The following ST6GAL1 variants were observed in gnomAD, a reference collection of about 807,000 sequenced individuals.
The protein encoded by ST6GAL1 is beta-galactoside alpha-2,6-sialyltransferase 1.
In ST6GAL1, 20 loss-of-function variants were observed where a neutral mutation model predicts 38.0. The observed-to-expected ratio is 0.53, with a 90% CI of 0.37 to 0.77. The LOEUF is 0.77. ST6GAL1 is among the 30% of genes least tolerant of loss of function. The pLI, the probability that ST6GAL1 is intolerant of heterozygous loss-of-function variation, is 0.00. For synonymous variants in ST6GAL1, 196 were observed against 188.2 expected (o/e 1.04, Z -0.34); for missense variants, 432 against 496.4 (o/e 0.87, Z 1.23).
Position 187,042,741 on chromosome 3 carries a change from G to A in ST6GAL1, c.38G>A (p.Cys13Tyr). The A allele has an allele frequency of 6.2e-7, 1 of 1,613,542 alleles. No homozygotes were observed. Among genetic ancestry groups the A allele is most frequent in the Non-Finnish European group, 8.5e-7 (1 of 1,179,786 alleles). Residue 13 changes from cysteine to tyrosine, a missense_variant, in exon 4 of 8, where the codon TGC (cysteine) becomes TAC (tyrosine). Coordinates refer to ENST00000169298, the MANE Select transcript of ST6GAL1 (RefSeq NM_173216.2). ...AACCTGAAGAAAAAGTTCAGCTGCT[G>A]CGTCCTGGTCTTTCTTCTGTTTGCA... ...HTNLKKKFSCCVLVFLLFAVI... is the reference protein window; with the variant it reads ...HTNLKKKFSCYVLVFLLFAVI...
chr3:187,068,054 G>A (rs1719229817), intron 5 of ST6GAL1, among the ~76,000 whole-genome samples: 1 of 152,158 alleles, frequency 6.6e-6, no homozygotes, highest in Non-Finnish European at 1.5e-5. Flanking sequence ...TAGAAGTGTG[G>A]TCTCTGGGCC....
intron 5 of ST6GAL1, among the ~76,000 whole-genome samples, chr3:187,066,906 G>C (rs998640577): frequency 6.6e-6 from 1 of 151,876 alleles, no homozygotes; most frequent in African/African-American, 2.4e-5. Flanking sequence ...AGGAACAGCT[G>C]GTCCCCTCAG....
At chr3:187,062,233 G>A (rs1718941017) in intron 5 of ST6GAL1, among the ~76,000 whole-genome samples, 1 of 152,166 alleles carries the variant, frequency 6.6e-6, no homozygotes, top group African/African-American at 2.4e-5. Flanking sequence ...CACTGTTGAT[G>A]GGAATGGAAA....
chr3:186,986,099 G>A (rs2108541430), intron 2 of ST6GAL1, among the ~76,000 whole-genome samples: 1 of 152,328 alleles, frequency 6.6e-6, no homozygotes, highest in Admixed American at 6.5e-5. Context: ...AGAAAGTGGG[G>A]AAGTGTAAGC....
At chr3:187,011,989 C>T (rs1044570822) in intron 2 of ST6GAL1, among the ~76,000 whole-genome samples, 3 of 152,210 alleles carry the variant, frequency 2.0e-5, no homozygotes, top group African/African-American at 7.2e-5. Flanking sequence ...ACCTGGAACG[C>T]TCTCTTTCCA....
intron 2 of ST6GAL1, among the ~76,000 whole-genome samples, chr3:187,012,614 T>G (rs1342353159): frequency 1.3e-5 from 2 of 152,198 alleles, no homozygotes; most frequent in Non-Finnish European, 2.9e-5. Context: ...GGCTAACAGA[T>G]GAGGCCAGAA....
intron 2 of ST6GAL1, among the ~76,000 whole-genome samples, chr3:186,968,795 G>C (rs34443305): frequency 6.6e-6 from 1 of 152,142 alleles, no homozygotes; most frequent in African/African-American, 2.4e-5. Flanking sequence ...AAAGCCATTA[G>C]AATCATTTGT....
chr3:187,055,712 T>A (rs1718676432), intron 5 of ST6GAL1, among the ~76,000 whole-genome samples: 1 of 152,124 alleles, frequency 6.6e-6, no homozygotes, highest in African/African-American at 2.4e-5. Context: ...TGCTGAGGAG[T>A]GCTTTACTTC....
chr3:186,976,427 T>G (rs1715522885), intron 2 of ST6GAL1, among the ~76,000 whole-genome samples: 1 of 152,144 alleles, frequency 6.6e-6, no homozygotes, highest in Non-Finnish European at 1.5e-5. Context: ...TCATTTTATT[T>G]CATTCTTTTT....
At chr3:187,055,597 T>G (rs562416654) in intron 5 of ST6GAL1, among the ~76,000 whole-genome samples, 2 of 152,334 alleles carry the variant, frequency 1.3e-5, no homozygotes, top group South Asian at 4.1e-4. Context: ...TTGTTCAGTT[T>G]CCATGTAGTT....
chr3:187,016,858 G>GA (rs1367305983), intron 2 of ST6GAL1, among the ~76,000 whole-genome samples: 2 of 152,290 alleles, frequency 1.3e-5, no homozygotes, highest in Non-Finnish European at 2.9e-5. Context: ...TCTTCATTTG[G>GA]TGACCAAAGA....
At position 186,946,289 on chromosome 3, in the gene ST6GAL1, CAGAGTGAGAT is replaced by C. The variant is rs1160002847; in HGVS notation, c.-325+15456_-325+15465del. 1.7e-4 allele frequency among the ~76,000 whole-genome samples: 25 copies of C among 151,278 alleles called. No individual in the cohort carries two copies. In the East Asian group the frequency reaches 4.7e-3, roughly 28 times the overall value. ...GGTCGTGCCACTCTAGCCTGGGCGA[CAGAGTGAGAT>C]TCCATTTCAAAAAAAAAAAGTGTTC... On this transcript the variant is annotated intron_variant, in intron 1 of 7. Transcript: ENST00000169298.
At chr3:186,932,906 A>G (rs934897135) in intron 1 of ST6GAL1, among the ~76,000 whole-genome samples, 1 of 152,202 alleles carries the variant, frequency 6.6e-6, no homozygotes, top group African/African-American at 2.4e-5. Flanking sequence ...TCCTAGTTAC[A>G]CTTGTTTCTT....
In ST6GAL1 at chr3:187,042,644, CT is replaced by C; in HGVS notation, c.-50-3del. ...ACATCATTTGTTTTTCCTTGTCTCA[CT>C]TTTTTTAGGCTTGTTTTCCTGCTCA... On this transcript the variant is annotated splice_polypyrimidine_tract_variant and intron_variant, in intron 3 of 7. Transcript: ENST00000169298. 3 of 1,533,312 alleles carry C rather than the reference CT, an allele frequency of 2.0e-6. No individual in the cohort carries two copies. Among genetic ancestry groups the C allele is most frequent in the East Asian group, 2.3e-5 (1 of 44,366 alleles). The allele number at this position is 1,533,312 out of a possible 1,614,324, so 95.0% of individuals were successfully genotyped here. A position where few individuals can be genotyped will look rare whatever the true frequency, so the allele number is the denominator to read the frequency against.
chr3:187,020,895 C>G (rs1481432769), intron 2 of ST6GAL1, among the ~76,000 whole-genome samples: 1 of 151,698 alleles, frequency 6.6e-6, no homozygotes, highest in Non-Finnish European at 1.5e-5. Flanking sequence ...ACTGGTAGTT[C>G]TGTCCAAAAA....
chr3:186,962,116 G>T (rs184793824), intron 1 of ST6GAL1, among the ~76,000 whole-genome samples: 1 of 152,290 alleles, frequency 6.6e-6, no homozygotes, highest in East Asian at 1.9e-4. Flanking sequence ...TGCCTTTGTT[G>T]TTCGCCCTGT....
intron 2 of ST6GAL1, among the ~76,000 whole-genome samples, chr3:187,012,642 T>C (rs1716994376): frequency 6.6e-6 from 1 of 152,190 alleles, no homozygotes; most frequent in African/African-American, 2.4e-5. Flanking sequence ...CCACACTCTC[T>C]CAGTCCTGAG....
rs1332489980 is a variant in ST6GAL1 at position 187,076,893 on chromosome 3, C to T, written c.*1090C>T. ...TCCTCCAGGCTCTGCCTGGCCTGAC[C>T]CTGTCCTGTCAGCTGGGTTTACATA... On this transcript the variant is annotated 3_prime_UTR_variant, in exon 8 of 8. Coordinates refer to ENST00000169298, the MANE Select transcript of ST6GAL1 (RefSeq NM_173216.2). The T allele has an allele frequency of 2.5e-6, 1 of 398,904 alleles. No homozygotes were observed. The highest frequency in any genetic ancestry group is 1.3e-4 in the South Asian group (1 of 7,864). The allele number at this position is 398,904 out of a possible 1,614,324, so 24.7% of individuals were successfully genotyped here.
chr3:187,020,296 A>AAAACAAAC (rs111267127), intron 2 of ST6GAL1, among the ~76,000 whole-genome samples: 39,204 of 151,676 alleles, frequency 0.26, 5,085 homozygotes, highest in South Asian at 0.3. Flanking sequence ...CTCTGTCTCA[A>AAAACAAAC]AAACAAACAA....
Sources: allele counts gnomAD v4.1 joint callset (sites outside exome capture counted in the v4.1 genomes callset), GRCh38; gene constraint gnomAD v4.1.1; transcripts MANE v1.5; gene names NCBI Gene and HGNC (gene_info 2026-07-23, HGNC 2026-07-21).